PPARGC1A: variants seen among roughly 807,000 people sequenced by gnomAD.
PPARGC1A encodes the protein PPARG coactivator 1 alpha.
PPARGC1A carries 25 observed loss-of-function variants against 88.7 expected under a neutral mutation model. That is an observed-to-expected ratio of 0.28 (90% CI 0.21 to 0.39). The LOEUF is 0.39. PPARGC1A is among the 10% of genes least tolerant of loss of function. The pLI is 1.00. For missense variants in PPARGC1A, 880 were observed against 968.7 expected, an observed-to-expected ratio of 0.91 and a Z score of 1.22; for synonymous variants, 363 against 355.6, an observed-to-expected ratio of 1.02 and a Z score of -0.24.
chr4:24,175,375 G>A, the PPARGC1A span, among the ~76,000 whole-genome samples: 4 of 114,980 alleles, frequency 3.5e-5, no homozygotes, highest in African/African-American at 6.8e-5. Context: ...TCTTTGTTTC[G>A]TTTTTTTTTT....
chr4:24,384,282 C>G, the PPARGC1A span, among the ~76,000 whole-genome samples: 1 of 152,050 alleles, frequency 6.6e-6, no homozygotes, highest in Non-Finnish European at 1.5e-5. Context: ...CAAAAACATA[C>G]CAAATTGTAA....
chr4:24,121,332 C>T, the PPARGC1A span, among the ~76,000 whole-genome samples: 1 of 152,164 alleles, frequency 6.6e-6, no homozygotes, highest in East Asian at 1.9e-4. Flanking sequence ...CAACCCTGCC[C>T]TCAGGAACCT....
chr4:24,222,829 A>C, the PPARGC1A span, among the ~76,000 whole-genome samples: 3,196 of 152,322 alleles, frequency 0.021, 113 homozygotes, highest in African/African-American at 0.072. Flanking sequence ...CTTTGTCAAT[A>C]ATAACACCTT....
chr4:24,256,719 T>C, the PPARGC1A span, among the ~76,000 whole-genome samples: 2 of 152,172 alleles, frequency 1.3e-5, no homozygotes, highest in African/African-American at 2.4e-5. Flanking sequence ...CGTCTGCACC[T>C]CACAGGGGGA....
At chr4:24,043,603 A>T in the PPARGC1A span, among the ~76,000 whole-genome samples, 24 of 152,096 alleles carry the variant, frequency 1.6e-4, no homozygotes, top group African/African-American at 5.8e-4. Context: ...ATGTTATGAT[A>T]TCTTTTCTAT....
At chr4:24,464,243 G>A in the PPARGC1A span, among the ~76,000 whole-genome samples, 2 of 152,158 alleles carry the variant, frequency 1.3e-5, no homozygotes, top group Admixed American at 6.5e-5. Flanking sequence ...TGTATTTGGA[G>A]GTTTGTAAAC....
the PPARGC1A span, among the ~76,000 whole-genome samples, chr4:24,191,415 T>C: frequency 6.6e-6 from 1 of 152,214 alleles, no homozygotes; most frequent in Non-Finnish European, 1.5e-5. Context: ...TGGCAGAGTT[T>C]GGAGCCATGC....
At chr4:23,844,738 A>AT (rs1553889191) in intron 2 of PPARGC1A, among the ~76,000 whole-genome samples, 1 of 30,266 alleles carries the variant, frequency 3.3e-5, no homozygotes, top group African/African-American at 1.4e-4. Context: ...AATATATGAT[A>AT]TATCATAATA....
chr4:24,020,055 G>A, the PPARGC1A span, among the ~76,000 whole-genome samples: 1 of 152,074 alleles, frequency 6.6e-6, no homozygotes, highest in Admixed American at 6.5e-5. Flanking sequence ...TAATTCATGG[G>A]AGAATGAAAA....
At chr4:24,326,975 C>T in the PPARGC1A span, among the ~76,000 whole-genome samples, 1 of 152,200 alleles carries the variant, frequency 6.6e-6, no homozygotes, top group African/African-American at 2.4e-5. Flanking sequence ...CACCTCTATA[C>T]AGTCTGATAA....
intron 2 of PPARGC1A, among the ~76,000 whole-genome samples, chr4:23,845,317 C>T (rs57256690): frequency 0.062 from 9,458 of 152,090 alleles, 326 homozygotes; most frequent in African/African-American, 0.088. Context: ...AGTGCTTAGA[C>T]GGCACCATCA....
At chr4:24,356,866 A>T in the PPARGC1A span, among the ~76,000 whole-genome samples, 1 of 152,240 alleles carries the variant, frequency 6.6e-6, no homozygotes, top group Non-Finnish European at 1.5e-5. Flanking sequence ...CTGTCTTAGC[A>T]GATATTACTA....
the PPARGC1A span, among the ~76,000 whole-genome samples, chr4:24,159,166 CT>C: frequency 6.7e-6 from 1 of 148,898 alleles, no homozygotes; most frequent in Non-Finnish European, 1.5e-5. Context: ...AATATCAGAC[CT>C]ATTTTATACA....
chr4:23,868,941 T>G (rs28495027), intron 2 of PPARGC1A, among the ~76,000 whole-genome samples: 30,044 of 152,242 alleles, frequency 0.2, 3,231 homozygotes, highest in African/African-American at 0.28. Flanking sequence ...CACACCTTAT[T>G]TTATCCCTGC....
chr4:24,120,776 AG>A, the PPARGC1A span, among the ~76,000 whole-genome samples: 5 of 152,278 alleles, frequency 3.3e-5, no homozygotes, highest in African/African-American at 1.2e-4. Flanking sequence ...AGAACCCAGC[AG>A]GAAGGCCATG....
chr4:24,106,590 C>G, the PPARGC1A span, among the ~76,000 whole-genome samples: 2 of 152,124 alleles, frequency 1.3e-5, no homozygotes, highest in Non-Finnish European at 2.9e-5. Context: ...AAGAAGTCCC[C>G]GATTCTCTGT....
chr4:23,934,812 G>A, the PPARGC1A span, among the ~76,000 whole-genome samples: 3 of 152,226 alleles, frequency 2.0e-5, no homozygotes, highest in Non-Finnish European at 2.9e-5. Flanking sequence ...CCAAGACCCC[G>A]GATCCAGGAA....
At chr4:23,812,400 G>T (rs1364485948) in intron 10 of PPARGC1A, among the ~76,000 whole-genome samples, 1 of 151,588 alleles carries the variant, frequency 6.6e-6, no homozygotes, top group East Asian at 1.9e-4. Flanking sequence ...AAAGAGAGAA[G>T]TAACAGGAAA....
the PPARGC1A span, among the ~76,000 whole-genome samples, chr4:24,224,441 T>C: frequency 1.3e-5 from 2 of 152,196 alleles, no homozygotes; most frequent in African/African-American, 4.8e-5. Context: ...ATACAGGTTC[T>C]TGTTAAAGGA....
Sources: allele counts gnomAD v4.1 joint callset (sites outside exome capture counted in the v4.1 genomes callset), GRCh38; gene constraint gnomAD v4.1.1; transcripts MANE v1.5; gene names NCBI Gene and HGNC (gene_info 2026-07-23, HGNC 2026-07-21).